FSTL5: variants seen among roughly 807,000 people sequenced by gnomAD.
The protein encoded by FSTL5 is follistatin-related protein 5.
Under a neutral mutation model 89.1 loss-of-function variants are expected in FSTL5, and 62 were observed. The observed-to-expected ratio is 0.70, with a 90% confidence interval of 0.57 to 0.86. FSTL5 has a LOEUF of 0.86. Ranked by LOEUF, FSTL5 falls within the 40% of genes least tolerant of loss-of-function variation. The pLI is 0.00. For synonymous variants in FSTL5, 383 were observed against 346.2 expected, an observed-to-expected ratio of 1.11 and a Z score of -1.18; for missense variants, 1,057 against 1,001.6, an observed-to-expected ratio of 1.06 and a Z score of -0.75.
intron 7 of FSTL5, among the ~76,000 whole-genome samples, chr4:161,619,521 G>A (rs1229238930): frequency 6.6e-6 from 1 of 152,120 alleles, no homozygotes; most frequent in Admixed American, 6.5e-5. Context: ...CCTTCAAAAA[G>A]TGGGCGAAGG....
chr4:161,853,119 T>C (rs1170579940), intron 4 of FSTL5, among the ~76,000 whole-genome samples: 2 of 152,350 alleles, frequency 1.3e-5, no homozygotes, highest in East Asian at 1.9e-4. Flanking sequence ...AAGAATTACA[T>C]AGAAATACTT....
At chr4:161,475,143 G>A (rs1186650168) in intron 13 of FSTL5, among the ~76,000 whole-genome samples, 1 of 151,422 alleles carries the variant, frequency 6.6e-6, no homozygotes, top group Non-Finnish European at 1.5e-5. Context: ...CACAGTATGT[G>A]TAGAGTTGTT....
chr4:162,083,949 T>C (rs1453159277), intron 2 of FSTL5, among the ~76,000 whole-genome samples: 1 of 151,952 alleles, frequency 6.6e-6, no homozygotes, highest in African/African-American at 2.4e-5. Flanking sequence ...ATTAATAATT[T>C]TAATGCAATG....
At chr4:161,898,990 A>G (rs1238991081) in intron 4 of FSTL5, among the ~76,000 whole-genome samples, 2 of 151,912 alleles carry the variant, frequency 1.3e-5, no homozygotes, top group African/African-American at 2.4e-5. Context: ...TCTCCTTCCT[A>G]TAGGTAAGGG....
intron 15 of FSTL5, among the ~76,000 whole-genome samples, chr4:161,431,559 G>T (rs1008430795): frequency 1.1e-4 from 17 of 151,016 alleles, no homozygotes; most frequent in African/African-American, 4.1e-4. Context: ...AGAAAGAGAA[G>T]ACCACAAAAC....
chr4:161,403,344 A>C (rs1406749726), intron 15 of FSTL5, among the ~76,000 whole-genome samples: 1 of 152,210 alleles, frequency 6.6e-6, no homozygotes, highest in Non-Finnish European at 1.5e-5. Context: ...CGAAAAAACA[A>C]GAGGAATCTT....
rs151155859 is a variant in FSTL5 at position 161,727,581 on chromosome 4, G to A, written c.727+31830C>T. Among the ~76,000 whole-genome samples the A allele has an allele frequency of 3.8e-3, 573 of 152,230 alleles. 5 individuals carry two copies. The highest frequency in any genetic ancestry group is 0.013 in the African/African-American group (526 of 41,550). On this transcript the variant is annotated intron_variant, in intron 6 of 15. Transcript: ENST00000306100. ...TGAAGAGGCTTCTCTAAGTTTTCAT[G>A]TATTCCCTGACCAGTTCTAACCCCT...
intron 13 of FSTL5, among the ~76,000 whole-genome samples, chr4:161,460,607 A>G (rs1407759888): frequency 6.6e-6 from 1 of 152,180 alleles, no homozygotes; most frequent in Admixed American, 6.5e-5. Flanking sequence ...CATGTTTTAA[A>G]TTAAATGTTA....
intron 7 of FSTL5, among the ~76,000 whole-genome samples, chr4:161,629,676 G>A (rs1489797933): frequency 1.3e-5 from 2 of 152,152 alleles, no homozygotes; most frequent in African/African-American, 2.4e-5. Flanking sequence ...GAAGCATCTT[G>A]GAGGGAAGAA....
chr4:162,047,163 G>A (rs891007639), intron 2 of FSTL5, among the ~76,000 whole-genome samples: 2 of 152,078 alleles, frequency 1.3e-5, no homozygotes, highest in Non-Finnish European at 2.9e-5. Flanking sequence ...TAAACAGAAA[G>A]TAGGTCAATA....
chr4:162,152,030 C>T (rs567930912), intron 1 of FSTL5, among the ~76,000 whole-genome samples: 3 of 152,210 alleles, frequency 2.0e-5, no homozygotes, highest in Admixed American at 6.5e-5. Flanking sequence ...GCAGTTTTCA[C>T]AGCTGGGCAC....
At chr4:161,551,679 C>T (rs918059498) in intron 8 of FSTL5, among the ~76,000 whole-genome samples, 28 of 151,900 alleles carry the variant, frequency 1.8e-4, no homozygotes, top group African/African-American at 6.5e-4. Context: ...AGAAATAATG[C>T]CGCATATCTA....
intron 2 of FSTL5, among the ~76,000 whole-genome samples, chr4:162,039,772 A>C (rs1737877032): frequency 6.6e-6 from 1 of 152,124 alleles, no homozygotes; most frequent in African/African-American, 2.4e-5. Context: ...AATAAACATA[A>C]AATTTACAAA....
intron 14 of FSTL5, among the ~76,000 whole-genome samples, chr4:161,455,582 A>T (rs893050020): frequency 6.6e-6 from 1 of 152,252 alleles, no homozygotes; most frequent in South Asian, 2.1e-4. Context: ...AATACATAAA[A>T]CCATATTTTA....
At chr4:162,072,583 C>A (rs556953646) in intron 2 of FSTL5, among the ~76,000 whole-genome samples, 24 of 151,724 alleles carry the variant, frequency 1.6e-4, no homozygotes, top group African/African-American at 5.8e-4. Context: ...AATATAGGCA[C>A]CCCTCAGTGA....
At chr4:161,647,520 T>TAAA (rs56699988) in intron 7 of FSTL5, among the ~76,000 whole-genome samples, 1 of 146,346 alleles carries the variant, frequency 6.8e-6, no homozygotes, top group African/African-American at 2.5e-5. Flanking sequence ...TTATTTCGTT[T>TAAA]AAAAAAAAAA....
intron 2 of FSTL5, among the ~76,000 whole-genome samples, chr4:162,099,575 A>C (rs1315115781): frequency 6.6e-6 from 1 of 152,178 alleles, no homozygotes; most frequent in Non-Finnish European, 1.5e-5. Context: ...GATAAGCTGG[A>C]CTTCATTAAA....
Position 161,511,384 on chromosome 4 carries a change from T to G in FSTL5, c.1313-960A>C, listed in dbSNP as rs537753296. The stretch of plus-strand genomic sequence containing the variant: ...TATATTTCTTTAAAAAATTAATTAT[T>G]AATGGTAAACATTGCAATTTTTAGA... On this transcript the variant is annotated intron_variant, in intron 10 of 15. Transcript: ENST00000306100. Among the ~76,000 whole-genome samples, 3 of 152,290 alleles carry G rather than the reference T, an allele frequency of 2.0e-5. No individual in the cohort carries two copies. In the East Asian group the frequency reaches 5.8e-4, roughly 29 times the overall value.
intron 2 of FSTL5, among the ~76,000 whole-genome samples, chr4:162,091,780 C>A (rs2111358902): frequency 6.6e-6 from 1 of 151,840 alleles, no homozygotes; most frequent in African/African-American, 2.4e-5. Context: ...ACAACGGCAT[C>A]CATAAAAAAA....
Sources: gnomAD v4.1 joint callset for allele counts (sites outside exome capture counted in the v4.1 genomes callset) on GRCh38, gnomAD v4.1.1 for gene constraint, MANE v1.5 for transcripts, NCBI Gene and HGNC (gene_info 2026-07-23, HGNC 2026-07-21) for gene names.